Variants in CCDC181 observed in about 807,000 individuals in gnomAD.
CCDC181 encodes coiled-coil domain containing 181.
CCDC181 carries 35 observed loss-of-function variants against 58.7 expected under a neutral mutation model. That is an observed-to-expected ratio of 0.60 (90% CI 0.46 to 0.79). The LOEUF (loss-of-function observed/expected upper bound fraction) is 0.79, where lower values mean the gene tolerates loss of function less well. CCDC181 is among the 30% of genes least tolerant of loss of function. CCDC181 has a pLI of 0.00. For synonymous variants in CCDC181, 183 were observed against 197.5 expected, an observed-to-expected ratio of 0.93 and a Z score of 0.62; for missense variants, 517 against 583.9, an observed-to-expected ratio of 0.89 and a Z score of 1.18.
At chr1:169,438,752 C>T (rs942948806) in intron 2 of CCDC181, among the ~76,000 whole-genome samples, 18 of 152,128 alleles carry the variant, frequency 1.2e-4, no homozygotes, top group African/African-American at 3.9e-4. Flanking sequence ...CTGAGACAGG[C>T]CTGTTGAGCT....
intron 2 of CCDC181, among the ~76,000 whole-genome samples, chr1:169,458,183 TTTTTTGTTTTG>T: frequency 7.1e-6 from 1 of 141,646 alleles, no homozygotes; most frequent in Non-Finnish European, 1.5e-5. Flanking sequence ...TTGTTTTTTT[TTTTTTGTTTTG>T]TTTTTTTTGC....
At chr1:169,417,660 G>A (rs1465687607) in intron 4 of CCDC181, among the ~76,000 whole-genome samples, 1 of 151,940 alleles carries the variant, frequency 6.6e-6, no homozygotes, top group African/African-American at 2.4e-5. Flanking sequence ...GAAAGTTCCG[G>A]GCTTCTAATC....
intron 1 of CCDC181, among the ~76,000 whole-genome samples, chr1:169,427,085 G>C (rs1166869845): frequency 1.3e-5 from 2 of 152,076 alleles, no homozygotes; most frequent in Non-Finnish European, 2.9e-5. Context: ...CATACATAGT[G>C]AAGAAAGGTG....
chr1:169,427,799 A>G (rs896302546), upstream of CCDC181, among the ~76,000 whole-genome samples: 6 of 152,236 alleles, frequency 3.9e-5, no homozygotes, highest in Non-Finnish European at 5.9e-5. Flanking sequence ...ATGAGTTACC[A>G]TATTTTTGAC....
At position 169,421,977 on chromosome 1, in the gene CCDC181, G is replaced by C; in HGVS notation, c.454C>G (p.Leu152Val). 6.2e-7 allele frequency: 1 copy of C among 1,614,028 alleles called. No individual in the cohort carries two copies. Among genetic ancestry groups the C allele is most frequent in the Non-Finnish European group, 8.5e-7 (1 of 1,179,990 alleles). ...EPVNDKRERK[L>V]KFKDQLVDLE... ...TCAACTAACTGGTCCTTGAACTTAAGTTTTCGCTCCCTTTTATCATTCACC... is the reference window on the plus strand; with the variant it reads ...TCAACTAACTGGTCCTTGAACTTAACTTTTCGCTCCCTTTTATCATTCACC... The change falls in exon 3 of 6, where the codon CTT becomes GTT. Residue 152 changes from leucine to valine, a missense_variant. Coordinates refer to ENST00000367806, the MANE Select transcript of CCDC181 (RefSeq NM_001300969.2).
intron 2 of CCDC181, among the ~76,000 whole-genome samples, chr1:169,435,073 TA>T (rs562444122): frequency 7.6e-4 from 115 of 152,184 alleles, no homozygotes; most frequent in African/African-American, 2.6e-3. Context: ...AATGTACACT[TA>T]AAAATGGTTA....
At chr1:169,453,082 CA>C (rs1027033280) in intron 2 of CCDC181, among the ~76,000 whole-genome samples, 59 of 137,872 alleles carry the variant, frequency 4.3e-4, no homozygotes, top group Middle Eastern at 3.6e-3. Flanking sequence ...ATTGAAACGA[CA>C]AAAAAAAAAG....
chr1:169,407,794 G>T (rs1474379331), intron 4 of CCDC181, among the ~76,000 whole-genome samples: 3 of 152,192 alleles, frequency 2.0e-5, no homozygotes, highest in Admixed American at 1.3e-4. Context: ...CCGAGGCAGG[G>T]TGAAGCGTCG....
At chr1:169,455,010 T>G (rs1285147444) in intron 2 of CCDC181, among the ~76,000 whole-genome samples, 1 of 152,028 alleles carries the variant, frequency 6.6e-6, no homozygotes, top group Non-Finnish European at 1.5e-5. Flanking sequence ...TGCTACTGTA[T>G]GCAATTATAT....
chr1:169,415,761 A>G (rs149659178), intron 4 of CCDC181, among the ~76,000 whole-genome samples: 80 of 152,210 alleles, frequency 5.3e-4, no homozygotes, highest in African/African-American at 1.9e-3. Context: ...TATATTTTTA[A>G]CTACATAGAA....
At chr1:169,446,820 C>T (rs192819851) in intron 2 of CCDC181, among the ~76,000 whole-genome samples, 2 of 152,152 alleles carry the variant, frequency 1.3e-5, no homozygotes, top group African/African-American at 2.4e-5. Context: ...TGCAGGAGGC[C>T]CTGGAACCAA....
chr1:169,441,248 C>T (rs16862172), intron 2 of CCDC181, among the ~76,000 whole-genome samples: 18,437 of 152,020 alleles, frequency 0.12, 1,178 homozygotes, highest in Admixed American at 0.14. Flanking sequence ...GAGTAACTTA[C>T]GTGCTTTATG....
intron 2 of CCDC181, among the ~76,000 whole-genome samples, chr1:169,448,470 C>T (rs1418039743): frequency 1.3e-5 from 2 of 151,142 alleles, no homozygotes; most frequent in Admixed American, 1.3e-4. Flanking sequence ...GGTTACAGGG[C>T]TTTTTTTTTC....
In CCDC181 at chr1:169,399,107, T is replaced by C. The variant is rs1309340705; in HGVS notation, c.1216-1716A>G. 3.3e-5 allele frequency among the ~76,000 whole-genome samples: 5 copies of C among 152,316 alleles called. No individual in the cohort carries two copies. In the East Asian group the frequency reaches 9.6e-4, roughly 29 times the overall value. On this transcript the variant is annotated intron_variant, in intron 4 of 5. Transcript: ENST00000367806. ...AACCTTGCTGGCCATGGTAGGAACT[T>C]TGGATTTCATTTTGAGATGAGAAGC... is the stretch of plus-strand genomic sequence containing the variant.
chr1:169,403,117 CTAAATAT>C (rs1454229382), intron 4 of CCDC181, among the ~76,000 whole-genome samples: 4 of 152,090 alleles, frequency 2.6e-5, no homozygotes, highest in South Asian at 4.2e-4. Flanking sequence ...GCGAACTATC[CTAAATAT>C]ATATGCACCC....
upstream of CCDC181, among the ~76,000 whole-genome samples, chr1:169,431,316 T>C (rs1210024789): frequency 1.3e-5 from 2 of 152,234 alleles, no homozygotes; most frequent in Non-Finnish European, 2.9e-5. Flanking sequence ...TGGATGCCCT[T>C]TATTTCTTTC....
At chr1:169,420,898 C>A (rs10489189) in intron 3 of CCDC181, among the ~76,000 whole-genome samples, 101,650 of 152,030 alleles carry the variant, frequency 0.67, 34,208 homozygotes, top group East Asian at 0.93. Flanking sequence ...TGAAACTAAA[C>A]TCCTGGAAAT....
chr1:169,446,711 T>A (rs1235880650), intron 2 of CCDC181, among the ~76,000 whole-genome samples: 1 of 152,210 alleles, frequency 6.6e-6, no homozygotes, highest in Non-Finnish European at 1.5e-5. Context: ...ATAAGTAATC[T>A]AGAGATGATT....
rs545358011 is a variant in CCDC181 at position 169,418,227 on chromosome 1, C to T, written c.1215+786G>A. 9.2e-5 allele frequency among the ~76,000 whole-genome samples: 14 copies of T among 152,240 alleles called. No homozygotes were observed. The South Asian group carries it at 2.1e-3, about 23-fold the overall frequency. ...TCTTCACTACAGCACTGTTAACTAA[C>T]GCAACATTGGAACCAACCTAAATAT... is the stretch of plus-strand genomic sequence containing the variant. On this transcript the variant is annotated intron_variant, in intron 4 of 5. Coordinates refer to ENST00000367806, the MANE Select transcript of CCDC181 (RefSeq NM_001300969.2).
Sources: allele counts gnomAD v4.1 joint callset (sites outside exome capture counted in the v4.1 genomes callset), GRCh38; gene constraint gnomAD v4.1.1; transcripts MANE v1.5; gene names NCBI Gene and HGNC (gene_info 2026-07-23, HGNC 2026-07-21).